FSTL5: variants seen among roughly 807,000 people sequenced by gnomAD.
FSTL5 encodes follistatin-related protein 5.
FSTL5 carries 62 observed loss-of-function variants against 89.1 expected under a neutral mutation model. The observed-to-expected ratio is 0.70, with a 90% CI of 0.57 to 0.86. The LOEUF (loss-of-function observed/expected upper bound fraction) is 0.86. FSTL5 is among the 40% of genes least tolerant of loss of function. The pLI is 0.00. For missense variants in FSTL5, 1,057 were observed against 1,001.6 expected (o/e 1.06, Z -0.75); for synonymous variants, 383 against 346.2 (o/e 1.11, Z -1.18).
chr4:161,977,968 C>T (rs978607761), intron 3 of FSTL5, among the ~76,000 whole-genome samples: 13 of 152,122 alleles, frequency 8.5e-5, no homozygotes, highest in African/African-American at 3.1e-4. Flanking sequence ...TTAACACTGT[C>T]ATAGTGATGC....
At chr4:161,462,181 C>T (rs144795353) in intron 13 of FSTL5, among the ~76,000 whole-genome samples, 1 of 152,172 alleles carries the variant, frequency 6.6e-6, no homozygotes, top group African/African-American at 2.4e-5. Context: ...GGTCCTCCAG[C>T]CAATAACAAG....
rs190436824 is a variant in FSTL5 at position 161,873,871 on chromosome 4, G to C, written c.409+46533C>G. On this transcript the variant is annotated intron_variant, in intron 4 of 15. Transcript: ENST00000306100. Reference sequence around the variant, plus strand: ...CGTTCATTTATTGAATGTGGCTATAGTGCATTCATTTTCACTTCAGTACAG... The same window carrying C: ...CGTTCATTTATTGAATGTGGCTATACTGCATTCATTTTCACTTCAGTACAG... Among the ~76,000 whole-genome samples the C allele has an allele frequency of 2.0e-4, 31 of 151,956 alleles. No individual in the cohort carries two copies. In the East Asian group the frequency reaches 5.8e-3, roughly 28 times the overall value.
chr4:161,626,478 A>T (rs1157656156), intron 7 of FSTL5, among the ~76,000 whole-genome samples: 4 of 152,144 alleles, frequency 2.6e-5, no homozygotes, highest in Non-Finnish European at 5.9e-5. Flanking sequence ...TACTGCTCAT[A>T]AAAAAATAAA....
At chr4:162,113,390 T>C (rs1032433160) in intron 1 of FSTL5, among the ~76,000 whole-genome samples, 2 of 152,126 alleles carry the variant, frequency 1.3e-5, no homozygotes, top group African/African-American at 4.8e-5. Flanking sequence ...CCCCACTCTA[T>C]TGCAAGCTGT....
chr4:162,153,173 A>T (rs1316347468), intron 1 of FSTL5, among the ~76,000 whole-genome samples: 1 of 152,120 alleles, frequency 6.6e-6, no homozygotes, highest in Admixed American at 6.6e-5. Flanking sequence ...ACTGGATGAT[A>T]AACTCTTTGT....
rs182494573 is a variant in FSTL5, at chr4:161,854,891, A to G, written c.409+65513T>C. 6.5e-3 allele frequency among the ~76,000 whole-genome samples: 993 copies of G among 152,168 alleles called. 16 individuals are homozygous for G. Among genetic ancestry groups the G allele is most frequent in the African/African-American group, 0.022 (917 of 41,554 alleles). ...TAAAAAGATTTTAATAATGTTAAAA[A>G]AATTATTTTTTCCTAAATATAAACC... On this transcript the variant is annotated intron_variant, in intron 4 of 15. Coordinates refer to ENST00000306100, the MANE Select transcript of FSTL5 (RefSeq NM_020116.5).
At chr4:161,909,664 T>C (rs1180828971) in intron 4 of FSTL5, among the ~76,000 whole-genome samples, 3 of 152,230 alleles carry the variant, frequency 2.0e-5, no homozygotes, top group African/African-American at 4.8e-5. Context: ...ATTTATGCCA[T>C]GAAATATACT....
chr4:161,703,023 A>G (rs1363198331), intron 6 of FSTL5, among the ~76,000 whole-genome samples: 1 of 152,062 alleles, frequency 6.6e-6, no homozygotes. Context: ...GGAGGAGATT[A>G]TGACATAACA....
chr4:161,496,672 G>A (rs1048655476), intron 12 of FSTL5, among the ~76,000 whole-genome samples: 3 of 152,056 alleles, frequency 2.0e-5, no homozygotes, highest in African/African-American at 7.2e-5. Context: ...ACTCTTATCT[G>A]AATTTCCTGC....
chr4:162,013,376 T>C (rs1000636901), intron 3 of FSTL5, among the ~76,000 whole-genome samples: 1 of 152,112 alleles, frequency 6.6e-6, no homozygotes, highest in African/African-American at 2.4e-5. Flanking sequence ...AGGAACAACA[T>C]TAGTGTAACA....
chr4:162,111,928 G>A (rs995944920), intron 1 of FSTL5, among the ~76,000 whole-genome samples: 2 of 152,038 alleles, frequency 1.3e-5, no homozygotes, highest in Non-Finnish European at 2.9e-5. Context: ...TATGCAGGTG[G>A]ATTATATTTA....
intron 2 of FSTL5, among the ~76,000 whole-genome samples, chr4:162,110,086 C>G (rs1408496748): frequency 6.6e-6 from 1 of 151,898 alleles, no homozygotes; most frequent in Non-Finnish European, 1.5e-5. Context: ...TATTTATTTT[C>G]ACATGTAACT....
chr4:161,799,030 T>C (rs1432834214), intron 4 of FSTL5, among the ~76,000 whole-genome samples: 1 of 151,728 alleles, frequency 6.6e-6, no homozygotes, highest in Non-Finnish European at 1.5e-5. Flanking sequence ...AGACTACTTA[T>C]TATTAAATGA....
Position 161,998,829 on chromosome 4 carries a change from G to A in FSTL5, c.160+34796C>T, listed in dbSNP as rs143470076. On this transcript the variant is annotated intron_variant, in intron 3 of 15. Transcript: ENST00000306100. ...TTGATCATCTATTTGCCTTTGTTTT[G>A]CATGGTGAAGCAGTTAAACACACAC... Among the ~76,000 whole-genome samples the A allele has an allele frequency of 5.9e-4, 88 of 148,386 alleles. 1 individual carries two copies. The highest frequency in any genetic ancestry group is 2.0e-3 in the African/African-American group (82 of 40,026).
At chr4:161,640,787 A>C (rs114594768) in intron 7 of FSTL5, among the ~76,000 whole-genome samples, 2,600 of 152,310 alleles carry the variant, frequency 0.017, 70 homozygotes, top group African/African-American at 0.058. Flanking sequence ...AAAAGACATG[A>C]ATCTTAACAT....
chr4:162,121,545 T>A (rs183814297), intron 1 of FSTL5, among the ~76,000 whole-genome samples: 51 of 152,174 alleles, frequency 3.4e-4, no homozygotes, highest in Middle Eastern at 6.8e-3. Flanking sequence ...ACACACAGAA[T>A]GGACCATCAG....
intron 6 of FSTL5, among the ~76,000 whole-genome samples, chr4:161,698,403 A>G (rs1026918845): frequency 3.3e-5 from 5 of 152,190 alleles, no homozygotes; most frequent in African/African-American, 1.2e-4. Context: ...TAAATGATGC[A>G]AAATTACAGT....
At chr4:161,620,924 G>T (rs1735098662) in intron 7 of FSTL5, among the ~76,000 whole-genome samples, 1 of 152,032 alleles carries the variant, frequency 6.6e-6, no homozygotes, top group Admixed American at 6.6e-5. Flanking sequence ...GGGAGAAATA[G>T]ATTCATAATC....
At chr4:161,948,092 C>T (rs557161422) in intron 3 of FSTL5, among the ~76,000 whole-genome samples, 2 of 151,374 alleles carry the variant, frequency 1.3e-5, no homozygotes, top group South Asian at 4.2e-4. Context: ...GCCTGGACAA[C>T]ATAGCAAGAC....
Sources: allele counts gnomAD v4.1 joint callset (sites outside exome capture counted in the v4.1 genomes callset), GRCh38; gene constraint gnomAD v4.1.1; transcripts MANE v1.5; gene names NCBI Gene and HGNC (gene_info 2026-07-23, HGNC 2026-07-21).